The following WDR17 variants were observed in gnomAD, a reference collection of about 807,000 sequenced individuals.
WDR17 encodes the protein WD repeat-containing protein 17.
A neutral mutation model predicts 161.7 loss-of-function variants in WDR17; 143 were observed. The observed-to-expected ratio is 0.88, with a 90% CI of 0.77 to 1.02. The LOEUF is 1.02. Ranked by LOEUF, WDR17 falls within the 50% of genes least tolerant of loss-of-function variation. The pLI is 0.00. For missense variants in WDR17, 1,469 were observed against 1,520.9 expected, an observed-to-expected ratio of 0.97 and a Z score of 0.57; for synonymous variants, 517 against 515.6, an observed-to-expected ratio of 1.00 and a Z score of -0.04.
At chr4:176,176,853 A>C (rs944195174) in intron 26 of WDR17, among the ~76,000 whole-genome samples, 10 of 152,194 alleles carry the variant, frequency 6.6e-5, no homozygotes, top group African/African-American at 2.2e-4. Context: ...TTATTGAATA[A>C]CTTTGACTTG....
intron 7 of WDR17, 71 bp from the exon 8 acceptor site, chr4:176,135,037 A>G (rs1744175255): frequency 6.8e-7 from 1 of 1,470,880 alleles, no homozygotes; most frequent in Admixed American, 1.8e-5. Context: ...ATTTGAGTAA[A>G]CATTGTGGTT....
intron 7 of WDR17, among the ~76,000 whole-genome samples, chr4:176,132,873 G>A (rs1475258247): frequency 6.6e-6 from 1 of 151,708 alleles, no homozygotes; most frequent in Non-Finnish European, 1.5e-5. Flanking sequence ...AGAACAGCAG[G>A]ATATACTGTT....
intron 1 of WDR17, among the ~76,000 whole-genome samples, chr4:176,072,384 G>A (rs1034922803): frequency 6.6e-6 from 1 of 152,122 alleles, no homozygotes; most frequent in Non-Finnish European, 1.5e-5. Context: ...CCACTCCAAG[G>A]TTCTCATTTG....
intron 1 of WDR17, among the ~76,000 whole-genome samples, chr4:176,067,706 A>G (rs73874910): frequency 0.029 from 4,376 of 152,302 alleles, 198 homozygotes; most frequent in African/African-American, 0.098. Flanking sequence ...CAATGCTCCC[A>G]GTAGAGGGGA....
intron 1 of WDR17, among the ~76,000 whole-genome samples, chr4:176,087,183 C>T (rs1482232162): frequency 6.6e-6 from 1 of 151,830 alleles, no homozygotes; most frequent in African/African-American, 2.4e-5. Context: ...GTTTCTTATC[C>T]TTCTACCTAA....
At chr4:176,161,452 T>C (rs1179798413) in intron 20 of WDR17, among the ~76,000 whole-genome samples, 2 of 152,180 alleles carry the variant, frequency 1.3e-5, no homozygotes, top group Non-Finnish European at 2.9e-5. Flanking sequence ...GAAATCCTGA[T>C]AGTTATTTTA....
intron 12 of WDR17, among the ~76,000 whole-genome samples, chr4:176,147,494 C>CA (rs768369467): frequency 1.2e-4 from 18 of 152,050 alleles, no homozygotes; most frequent in Non-Finnish European, 2.5e-4. Flanking sequence ...ATATCACTGA[C>CA]AAAAACATGA....
At chr4:176,114,088 C>T (rs1430232033) in intron 2 of WDR17, among the ~76,000 whole-genome samples, 1 of 151,986 alleles carries the variant, frequency 6.6e-6, no homozygotes, top group African/African-American at 2.4e-5. Context: ...CACACATTTA[C>T]TATATTAATA....
chr4:176,092,871 G>A (rs1048042603), intron 1 of WDR17, among the ~76,000 whole-genome samples: 4 of 151,960 alleles, frequency 2.6e-5, no homozygotes, highest in East Asian at 1.9e-4. Context: ...GCAAAAAGCC[G>A]TCTCTACTAA....
chr4:176,164,980 C>G (rs1749558415), intron 22 of WDR17, among the ~76,000 whole-genome samples: 1 of 149,152 alleles, frequency 6.7e-6, no homozygotes, highest in Non-Finnish European at 1.5e-5. Flanking sequence ...TGATTTCATG[C>G]TAAAAGTCAT....
At chr4:176,159,313 GGAGA>G (rs149384853) in intron 18 of WDR17, among the ~76,000 whole-genome samples, 57 of 143,838 alleles carry the variant, frequency 4.0e-4, no homozygotes, top group Middle Eastern at 3.5e-3. Context: ...ACACACAGAT[GGAGA>G]GAGAGAGAGA....
intron 1 of WDR17, among the ~76,000 whole-genome samples, chr4:176,110,415 C>T (rs1455603074): frequency 6.6e-6 from 1 of 152,164 alleles, no homozygotes; most frequent in African/African-American, 2.4e-5. Context: ...CGTGAGCCAC[C>T]GCGCCCAGCC....
intron 1 of WDR17, among the ~76,000 whole-genome samples, chr4:176,071,523 A>G (rs963861793): frequency 1.3e-5 from 2 of 152,074 alleles, no homozygotes; most frequent in Non-Finnish European, 2.9e-5. Flanking sequence ...GGGTTTCACC[A>G]TGTTGGTCAG....
intron 13 of WDR17, among the ~76,000 whole-genome samples, chr4:176,149,044 G>T (rs1417700188): frequency 6.6e-6 from 1 of 152,106 alleles, no homozygotes; most frequent in African/African-American, 2.4e-5. Flanking sequence ...GTGTGGGAGA[G>T]AATCATATTT....
chr4:176,147,015 C>G (rs762802323), intron 12 of WDR17, among the ~76,000 whole-genome samples: 1 of 151,860 alleles, frequency 6.6e-6, no homozygotes, highest in African/African-American at 2.4e-5. Flanking sequence ...TACAGGTGTG[C>G]GCCACCACGC....
chr4:176,177,147 C>A lies in WDR17; in HGVS notation c.3539C>A (p.Ser1180Tyr), dbSNP rs751648069. 8.1e-6 allele frequency: 13 copies of A among 1,612,830 alleles called. No homozygotes were observed. Among genetic ancestry groups the A allele is most frequent in the Non-Finnish European group, 1.1e-5 (13 of 1,179,162 alleles). ...ELDAWRACTQ[S>Y]TNRSLEDSPY... Reference sequence around the variant, plus strand: ...GATGCATGGAGAGCTTGCACACAGTCCACCAACAGGTGAGCAAATATGATA... The same window carrying A: ...GATGCATGGAGAGCTTGCACACAGTACACCAACAGGTGAGCAAATATGATA... The change falls in exon 27 of 29, where the codon TCC becomes TAC. Residue 1180 changes from serine to tyrosine, a missense_variant. Transcript: ENST00000508596.
At chr4:176,090,718 A>G (rs139714752) in intron 1 of WDR17, among the ~76,000 whole-genome samples, 3,801 of 152,278 alleles carry the variant, frequency 0.025, 66 homozygotes, top group African/African-American at 0.05. Flanking sequence ...AATATAGAGT[A>G]TGGAGTGGGA....
intron 1 of WDR17, among the ~76,000 whole-genome samples, chr4:176,094,087 G>A (rs190813264): frequency 1.4e-4 from 22 of 152,090 alleles, no homozygotes; most frequent in East Asian, 3.9e-4. Flanking sequence ...ACTAATTCAA[G>A]TTTTATTTTA....
intron 1 of WDR17, among the ~76,000 whole-genome samples, chr4:176,071,136 T>A (rs1733177340): frequency 6.9e-6 from 1 of 145,658 alleles, no homozygotes. Flanking sequence ...TTTTTTTTAA[T>A]GAGCAGTGAT....
Sources: allele counts gnomAD v4.1 joint callset (sites outside exome capture counted in the v4.1 genomes callset), GRCh38; gene constraint gnomAD v4.1.1; transcripts MANE v1.5; gene names NCBI Gene and HGNC (gene_info 2026-07-23, HGNC 2026-07-21).